The following NTN3 variants were observed in gnomAD, a reference collection of about 807,000 sequenced individuals.
NTN3 encodes the protein netrin-3.
In NTN3, 44 loss-of-function variants were observed where a neutral mutation model predicts 37.2. That is an observed-to-expected ratio of 1.18 (90% CI 0.93 to 1.52). The LOEUF is 1.52. Ranked by LOEUF, NTN3 falls within the 40% of genes most tolerant of loss-of-function variation. The pLI, the probability that NTN3 is intolerant of heterozygous loss-of-function variation, is 0.00. For missense variants in NTN3, 882 were observed against 857.3 expected (o/e 1.03, Z -0.36); for synonymous variants, 385 against 376.0 (o/e 1.02, Z -0.28).
rs754479045 is a variant in NTN3, at chr16:2,472,105, T to C, written c.404T>C (p.Leu135Pro). The change falls in exon 1 of 6, where the codon CTC becomes CCC. Residue 135 changes from leucine to proline, a missense_variant. Physicochemically the swap from Leu to Pro is moderately conservative, Grantham distance 98 (BLOSUM62 -3). Coordinates refer to ENST00000293973, the MANE Select transcript of NTN3 (RefSeq NM_006181.3). Reference protein sequence around the residue: ...CSAPPASVALLKSQDHGRSWA... With the variant: ...CSAPPASVALPKSQDHGRSWA... ...GCTCCCCCAGCCTCCGTGGCCCTGC[T>C]CAAGTCTCAGGACCATGGCCGCAGC... The C allele has an allele frequency of 1.9e-6, 3 of 1,607,618 alleles. No individual in the cohort carries two copies. Among genetic ancestry groups the C allele is most frequent in the Non-Finnish European group, 8.5e-7 (1 of 1,178,140 alleles).
rs777643025 is a variant in NTN3 at position 2,472,815 on chromosome 16, G to A, written c.1043G>A (p.Arg348His). 1.1e-5 allele frequency: 18 copies of A among 1,608,460 alleles called. No individual in the cohort carries two copies. Among genetic ancestry groups the A allele is most frequent in the South Asian group, 2.2e-5 (2 of 91,042 alleles). The change falls in exon 2 of 6, where the codon CGC becomes CAC. Residue 348 changes from arginine to histidine, a missense_variant. Physicochemically the swap from Arg to His is conservative, Grantham distance 29 (BLOSUM62 0). Transcript: ENST00000293973. ...CLNCRHNTAG[R>H]HCHYCREGFY... The stretch of plus-strand genomic sequence containing the variant: ...AACTGCCGGCACAACACCGCCGGCC[G>A]CCACTGCCACTACTGCCGGGAGGGC...
Position 2,471,983 on chromosome 16 carries a change from C to T in NTN3, c.282C>T (p.Arg94=). Residue 94 remains arginine (R), a synonymous_variant, in exon 1 of 6, where the codon CGC becomes CGT. Transcript: ENST00000293973. ...GCACGGCCAGCCCTCTGTGCTGGCG[C>T]TCGGAGTCCCTGCCTCGGGCGCCCC... ...PGGTASPLCW[R]SESLPRAPLN... The T allele has an allele frequency of 6.3e-7, 1 of 1,599,340 alleles. No homozygotes were observed. The highest frequency in any genetic ancestry group is 1.1e-5 in the South Asian group (1 of 90,704).
At position 2,471,994 on chromosome 16, in the gene NTN3, T is replaced by A. The variant is rs2141844607; in HGVS notation, c.293T>A (p.Leu98Gln). 6.2e-7 allele frequency: 1 copy of A among 1,602,190 alleles called. No homozygotes were observed. Residue 98 changes from leucine (L) to glutamine (Q), a missense_variant, in exon 1 of 6, where the codon CTG becomes CAG. By Grantham distance (113) the Leu-to-Gln change is moderately radical. Coordinates refer to ENST00000293973, the MANE Select transcript of NTN3 (RefSeq NM_006181.3). ...ASPLCWRSESLPRAPLNVTLT... is the reference protein window; with the variant it reads ...ASPLCWRSESQPRAPLNVTLT... ...CCTCTGTGCTGGCGCTCGGAGTCCC[T>A]GCCTCGGGCGCCCCTCAACGTGACT...
In NTN3 at chr16:2,473,922, C is replaced by G. The variant is rs965871049; in HGVS notation, c.1560C>G (p.Leu520=). Reference sequence around the variant, plus strand: ...CGGCCTGCGGCTGCCCGCGCCTGCTCCCCGGCCGCCGCTACCTCCTGCTGG... The same window carrying G: ...CGGCCTGCGGCTGCCCGCGCCTGCTGCCCGGCCGCCGCTACCTCCTGCTGG... ...GDAACGCPRL[L]PGRRYLLLGG... Residue 520 remains leucine (L), a synonymous_variant, in exon 6 of 6, where the codon CTC becomes CTG. Transcript: ENST00000293973. 35 of 1,187,876 alleles carry G rather than the reference C, an allele frequency of 2.9e-5. No individual in the cohort carries two copies. The highest frequency in any genetic ancestry group is 3.6e-5 in the East Asian group (1 of 27,442). 73.6% of individuals were successfully genotyped at this position (1,187,876 alleles called of 1,614,324 possible). A position where few individuals can be genotyped will look rare whatever the true frequency, so the allele number is the denominator to read the frequency against.
At chr16:2,473,721 C>T in intron 5 of NTN3, 35 bp from the exon 6 acceptor site, 1 of 1,424,754 alleles carries the variant, frequency 7.0e-7, no homozygotes, top group Non-Finnish European at 9.1e-7. Flanking sequence ...CAGGCCGCCC[C>T]TTCCTGACCC....
rs989805846 is a variant in NTN3 at position 2,471,624 on chromosome 16, A to T, written c.-78A>T. The T allele has an allele frequency of 2.7e-5, 30 of 1,118,710 alleles. No individual in the cohort carries two copies. The highest frequency in any genetic ancestry group is 3.0e-5 in the Non-Finnish European group (26 of 862,892). The allele number at this position is 1,118,710 out of a possible 1,614,324, so 69.3% of individuals were successfully genotyped here. On this transcript the variant is annotated 5_prime_UTR_variant, in exon 1 of 6. Transcript: ENST00000293973. ...TCGGCATTGCGGGCCTGGTGGGCAG[A>T]GCCGCGGAGAGGGCTTCTTTTCCCC...
At position 2,471,942 on chromosome 16, in the gene NTN3, C is replaced by T; in HGVS notation, c.241C>T (p.Leu81Phe). 3.2e-6 allele frequency: 5 copies of T among 1,553,886 alleles called. No homozygotes were observed. The highest frequency in any genetic ancestry group is 4.3e-6 in the Non-Finnish European group (5 of 1,156,362). Residue 81 changes from leucine (L) to phenylalanine (F), a missense_variant, in exon 1 of 6, where the codon CTT (leucine) becomes TTT (phenylalanine). Leu to Phe is a conservative substitution (Grantham distance 22). Transcript: ENST00000293973. Reference protein sequence around the residue: ...DPRRAHSPALLTSPGGTASPL... With the variant: ...DPRRAHSPALFTSPGGTASPL... ...GCGACGGGCACACTCCCCCGCCCTC[C>T]TTACTTCCCCAGGGGGCACGGCCAG...
Position 2,471,668 on chromosome 16 carries a change from C to A in NTN3, c.-34C>A, listed in dbSNP as rs2065521317. On this transcript the variant is annotated 5_prime_UTR_variant, in exon 1 of 6. Coordinates refer to ENST00000293973, the MANE Select transcript of NTN3 (RefSeq NM_006181.3). ...TTTCCCCAAGGGCAGCGTCTTGGGG[C>A]CCGGCCACTGGCTGACCCGCAGCGG... 3.9e-6 allele frequency: 5 copies of A among 1,296,780 alleles called. No homozygotes were observed. Among genetic ancestry groups the A allele is most frequent in the East Asian group, 3.2e-5 (1 of 31,550 alleles). The allele number at this position is 1,296,780 out of a possible 1,614,324, so 80.3% of individuals were successfully genotyped here. A position where few individuals can be genotyped will look rare whatever the true frequency, so the allele number is the denominator to read the frequency against.
rs777935257 is a variant in NTN3, at chr16:2,472,358, C to T, written c.657C>T (p.Asp219=). 2.4e-5 allele frequency: 39 copies of T among 1,612,136 alleles called. No homozygotes were observed. The highest frequency in any genetic ancestry group is 3.3e-4 in the Middle Eastern group (2 of 6,082). The change falls in exon 1 of 6, where the codon GAC becomes GAT. Residue 219 remains aspartate, a synonymous_variant. Transcript: ENST00000293973. ...PVLQDWVTAT[D]VRVVLTRPST... is the part of the protein sequence containing the mutation. ...TCCAAGACTGGGTGACCGCCACCGA[C>T]GTCCGTGTAGTGCTCACAAGGCCTA...
rs772570035 is a variant in NTN3, at chr16:2,472,418, C to T, written c.717C>T (p.Val239=). ...GTGACCCCAGGGACATGGAGGCCGT[C>T]GTCCCTTACTCCTACGCAGCCACCG... ...TAGDPRDMEA[V]VPYSYAATDL... The change falls in exon 1 of 6, where the codon GTC becomes GTT. Residue 239 remains valine (V), a synonymous_variant. Transcript: ENST00000293973. 4.3e-6 allele frequency: 7 copies of T among 1,612,424 alleles called. No homozygotes were observed. Among genetic ancestry groups the T allele is most frequent in the South Asian group, 1.1e-5 (1 of 91,082 alleles).
Position 2,472,156 on chromosome 16 carries a change from C to T in NTN3, c.455C>T (p.Ser152Phe). 4 of 1,608,516 alleles carry T rather than the reference C, an allele frequency of 2.5e-6. No individual in the cohort carries two copies. The highest frequency in any genetic ancestry group is 2.5e-6 in the Non-Finnish European group (3 of 1,179,828). The change falls in exon 1 of 6, where the codon TCC (serine) becomes TTC (phenylalanine). Residue 152 changes from serine (S) to phenylalanine (F), a missense_variant. Coordinates refer to ENST00000293973, the MANE Select transcript of NTN3 (RefSeq NM_006181.3). ...RSWAPLGFFS[S>F]HCDLDYGRLP... ...TGGGCCCCGCTGGGCTTCTTCTCCT[C>T]CCACTGTGACCTGGACTATGGCCGT...
chr16:2,472,593 CA>C lies in NTN3; in HGVS notation c.893del (p.Gln298ArgfsTer68). On this transcript the variant is annotated frameshift_variant, in exon 1 of 6. Coordinates refer to ENST00000293973, the MANE Select transcript of NTN3 (RefSeq NM_006181.3). LOFTEE classifies it high-confidence loss of function. ...GCCCTTCTACTGCGACAGGCCATGG[CA>C]GCGGGCCACTGCCCGGGAATCCCAC... ...CKPFYCDRPW[Q>X]RATARESHAC... The C allele has an allele frequency of 3.1e-6, 5 of 1,596,824 alleles. No homozygotes were observed. Among genetic ancestry groups the C allele is most frequent in the Non-Finnish European group, 4.3e-6 (5 of 1,170,946 alleles).
At position 2,474,083 on chromosome 16, in the gene NTN3, G is replaced by A; in HGVS notation, c.1721G>A (p.Arg574Gln). Residue 574 changes from arginine (R) to glutamine (Q), a missense_variant, in exon 6 of 6, where the codon CGG becomes CAG. Transcript: ENST00000293973. Reference sequence around the variant, plus strand: ...CGGAGGCTGCAGCGACGCGAACGGCGGGGGCGCTGCAGCGCCGCCTGAGCC... The same window carrying A: ...CGGAGGCTGCAGCGACGCGAACGGCAGGGGCGCTGCAGCGCCGCCTGAGCC... ...RLRRLQRRER[R>Q]GRCSAA is the part of the protein sequence containing the mutation. The A allele has an allele frequency of 4.1e-6, 5 of 1,207,330 alleles. No homozygotes were observed. The highest frequency in any genetic ancestry group is 5.1e-6 in the Non-Finnish European group (5 of 971,826). The allele number at this position is 1,207,330 out of a possible 1,614,324, so 74.8% of individuals were successfully genotyped here. A position where few individuals can be genotyped will look rare whatever the true frequency, so the allele number is the denominator to read the frequency against.
chr16:2,471,740 C>T lies in NTN3; in HGVS notation c.39C>T (p.Gly13=). ...CCTGGGGGCTGCTGCTGACGGCAGG[C>T]ACGCTCTTCGCCGCCCTGAGTCCTG... ...GWPWGLLLTA[G]TLFAALSPGP... The change falls in exon 1 of 6, where the codon GGC becomes GGT. Residue 13 remains glycine, a synonymous_variant. Coordinates refer to ENST00000293973, the MANE Select transcript of NTN3 (RefSeq NM_006181.3). 2 of 1,383,516 alleles carry T rather than the reference C, an allele frequency of 1.4e-6. No homozygotes were observed. The highest frequency in any genetic ancestry group is 1.9e-6 in the Non-Finnish European group (2 of 1,075,942). 85.7% of individuals were successfully genotyped at this position (1,383,516 alleles called of 1,614,324 possible). A position where few individuals can be genotyped will look rare whatever the true frequency, so the allele number is the denominator to read the frequency against.
In NTN3 at chr16:2,473,467, C is replaced by T; in HGVS notation, c.1357C>T (p.Arg453Cys). ...CTGCAAACCTGCCCGTGGCAGCTAC[C>T]GCATCAGCCTAAAGAAGTTCTGCAA... ...SHCKPARGSYRISLKKFCKKD... is the reference protein window; with the variant it reads ...SHCKPARGSYCISLKKFCKKD... The change falls in exon 5 of 6, where the codon CGC becomes TGC. Residue 453 changes from arginine to cysteine, a missense_variant. Transcript: ENST00000293973. 2.5e-6 allele frequency: 4 copies of T among 1,613,040 alleles called. No individual in the cohort carries two copies. The highest frequency in any genetic ancestry group is 1.1e-5 in the South Asian group (1 of 91,072).
At position 2,472,064 on chromosome 16, in the gene NTN3, C is replaced by T; in HGVS notation, c.363C>T (p.Ser121=). The part of the protein sequence containing the change: ...LGKAFELVFV[S]LRFCSAPPAS... ...AGGCTTTTGAGCTGGTCTTCGTGAG[C>T]CTGCGCTTCTGCTCAGCTCCCCCAG... Residue 121 remains serine, a synonymous_variant, in exon 1 of 6, where the codon AGC becomes AGT. Transcript: ENST00000293973. 6.2e-7 allele frequency: 1 copy of T among 1,608,504 alleles called. No homozygotes were observed. The highest frequency in any genetic ancestry group is 8.5e-7 in the Non-Finnish European group (1 of 1,178,604).
rs1199806324 is a variant in NTN3 at position 2,472,720 on chromosome 16, T to C, written c.948T>C (p.His316=). The C allele has an allele frequency of 1.9e-6, 3 of 1,607,698 alleles. No individual in the cohort carries two copies. The highest frequency in any genetic ancestry group is 2.2e-5 in the East Asian group (1 of 44,866). ...HACLACSCNG[H]ARRCRFNMEL... Reference sequence around the variant, plus strand: ...CTGCAGCTTGCTCCTGCAACGGCCATGCCCGCCGCTGCCGCTTCAACATGG... The same window carrying C: ...CTGCAGCTTGCTCCTGCAACGGCCACGCCCGCCGCTGCCGCTTCAACATGG... The change falls in exon 2 of 6, where the codon CAT becomes CAC. Residue 316 remains histidine, a synonymous_variant. Coordinates refer to ENST00000293973, the MANE Select transcript of NTN3 (RefSeq NM_006181.3).
chr16:2,471,939 C>T lies in NTN3; in HGVS notation c.238C>T (p.Leu80Phe). The change falls in exon 1 of 6, where the codon CTC becomes TTC. Residue 80 changes from leucine to phenylalanine, a missense_variant. Leu to Phe is a conservative substitution (Grantham distance 22, BLOSUM62 0). Coordinates refer to ENST00000293973, the MANE Select transcript of NTN3 (RefSeq NM_006181.3). The part of the protein sequence containing the change: ...SDPRRAHSPA[L>F]LTSPGGTASP... Reference sequence around the variant, plus strand: ...CCCGCGACGGGCACACTCCCCCGCCCTCCTTACTTCCCCAGGGGGCACGGC... The same window carrying T: ...CCCGCGACGGGCACACTCCCCCGCCTTCCTTACTTCCCCAGGGGGCACGGC... 6.4e-7 allele frequency: 1 copy of T among 1,552,990 alleles called. No individual in the cohort carries two copies. Among genetic ancestry groups the T allele is most frequent in the Non-Finnish European group, 8.7e-7 (1 of 1,156,012 alleles).
rs1378939152 is a variant in NTN3, at chr16:2,472,551, G to A, written c.850G>A (p.Asp284Asn). 3.7e-6 allele frequency: 6 copies of A among 1,605,278 alleles called. No individual in the cohort carries two copies. Among genetic ancestry groups the A allele is most frequent in the Non-Finnish European group, 5.1e-6 (6 of 1,178,374 alleles). Reference sequence around the variant, plus strand: ...CTGTCGGCATGGCACCGAGGGCCCTGACTGCGGCCGCTGCAAGCCCTTCTA... The same window carrying A: ...CTGTCGGCATGGCACCGAGGGCCCTAACTGCGGCCGCTGCAAGCCCTTCTA... ...CDCRHGTEGPDCGRCKPFYCD... is the reference protein window; with the variant it reads ...CDCRHGTEGPNCGRCKPFYCD... Residue 284 changes from aspartate (D) to asparagine (N), a missense_variant, in exon 1 of 6, where the codon GAC (aspartate) becomes AAC (asparagine). Transcript: ENST00000293973.
Sources: gnomAD v4.1 joint callset for allele counts on GRCh38, gnomAD v4.1.1 for gene constraint, MANE v1.5 for transcripts, NCBI Gene and HGNC (gene_info 2026-07-23, HGNC 2026-07-21) for gene names.